ZNF286A: variants seen among roughly 807,000 people sequenced by gnomAD.
ZNF286A encodes the protein zinc finger protein 286A, also known as zinc finger protein ZNF286.
Under a neutral mutation model 49.3 loss-of-function variants are expected in ZNF286A, and 34 were observed. The observed-to-expected ratio is 0.69, with a 90% CI of 0.52 to 0.92. ZNF286A has a LOEUF of 0.92. Among genes scored for constraint, ZNF286A ranks in the 40% least tolerant of loss-of-function variants. The probability of loss-of-function intolerance (pLI) is 0.00; values close to 1 mark genes in which losing one functional copy is unlikely to be tolerated. For missense variants in ZNF286A, 462 were observed against 600.2 expected (o/e 0.77, Z 2.41); for synonymous variants, 155 against 200.4 (o/e 0.77, Z 1.91).
chr17:15,709,071 C>T (rs574675398), intron 5 of ZNF286A, among the ~76,000 whole-genome samples: 7 of 152,096 alleles, frequency 4.6e-5, no homozygotes, highest in South Asian at 4.2e-4. Flanking sequence ...AGAGTATGTG[C>T]GTTCTAGTTG....
intron 3 of ZNF286A, among the ~76,000 whole-genome samples, chr17:15,702,047 A>G (rs1334083719): frequency 6.6e-6 from 1 of 151,844 alleles, no homozygotes; most frequent in Admixed American, 6.6e-5. Context: ...ACTTGAACCT[A>G]GGAGGTGGAG....
At chr17:15,704,541 C>G (rs1597709409) in intron 3 of ZNF286A, 1 of 1,613,998 alleles carries the variant, frequency 6.2e-7, no homozygotes, top group Non-Finnish European at 8.5e-7. Context: ...TAGGGTGGAT[C>G]AGCAGGCACC....
intron 3 of ZNF286A, 101 bp from the exon 4 acceptor site, chr17:15,706,286 T>G: frequency 1.2e-6 from 1 of 845,396 alleles, no homozygotes; most frequent in Non-Finnish European, 2.0e-6. Flanking sequence ...AGTTCCCCTC[T>G]TAAGTGCATC....
At chr17:15,706,168 C>T (rs1168368691) in intron 3 of ZNF286A, among the ~76,000 whole-genome samples, 2 of 152,124 alleles carry the variant, frequency 1.3e-5, no homozygotes, top group Non-Finnish European at 2.9e-5. Context: ...TCTTTTGGTT[C>T]TCATATTGAA....
At chr17:15,704,316 C>T (rs907235651) in intron 3 of ZNF286A, 3 of 1,610,584 alleles carry the variant, frequency 1.9e-6, no homozygotes, top group East Asian at 4.5e-5. Flanking sequence ...GCTTCTTGGC[C>T]ATGGGACCCT....
chr17:15,708,068 A>T (rs967711945), intron 4 of ZNF286A, 87 bp from the exon 5 acceptor site: 14 of 843,880 alleles, frequency 1.7e-5, no homozygotes, highest in Non-Finnish European at 2.3e-5. Context: ...AATATGTAAC[A>T]ATTCAACTGG....
chr17:15,713,170 T>C (rs9910002), intron 5 of ZNF286A, among the ~76,000 whole-genome samples: 69,519 of 151,862 alleles, frequency 0.46, 16,680 homozygotes, highest in African/African-American at 0.59. Flanking sequence ...GTGGGTGGGT[T>C]GATTGAGCCC....
chr17:15,713,087 G>T (rs1966870520), intron 5 of ZNF286A, among the ~76,000 whole-genome samples: 1 of 152,172 alleles, frequency 6.6e-6, no homozygotes, highest in Non-Finnish European at 1.5e-5. Context: ...TAAGCTATTA[G>T]CTAATTCATT....
At chr17:15,705,227 ATATTT>A (rs1234806760) in intron 3 of ZNF286A, among the ~76,000 whole-genome samples, 1 of 152,204 alleles carries the variant, frequency 6.6e-6, no homozygotes, top group Non-Finnish European at 1.5e-5. Context: ...GCAAAAATTT[ATATTT>A]TACTTTGCTT....
At chr17:15,704,652 G>C (rs1990066717) in intron 3 of ZNF286A, 2 of 1,614,028 alleles carry the variant, frequency 1.2e-6, no homozygotes, top group Admixed American at 3.3e-5. Flanking sequence ...TCGGGTGGAA[G>C]ATCTTGGTCA....
At chr17:15,702,464 C>T (rs1427672934) in intron 3 of ZNF286A, among the ~76,000 whole-genome samples, 1 of 147,594 alleles carries the variant, frequency 6.8e-6, no homozygotes, top group Non-Finnish European at 1.5e-5. Context: ...GCAGTGAGCC[C>T]AGATAGGGCT....
chr17:15,712,540 C>G lies in ZNF286A; in HGVS notation c.335-3519C>G, dbSNP rs550434114. On this transcript the variant is annotated intron_variant, in intron 5 of 5. Transcript: ENST00000583566. ...CCAGTAATTGTTTTAATGGTACTTACTGTCATCAAATTGTACGTGGTGGAA... is the reference window on the plus strand; with the variant it reads ...CCAGTAATTGTTTTAATGGTACTTAGTGTCATCAAATTGTACGTGGTGGAA... Among the ~76,000 whole-genome samples the G allele has an allele frequency of 2.7e-5, 4 of 150,274 alleles. No homozygotes were observed. The East Asian group carries it at 7.7e-4, about 29-fold the overall frequency.
intron 3 of ZNF286A, among the ~76,000 whole-genome samples, chr17:15,702,799 GAAGT>G (rs1260490184): frequency 6.6e-6 from 1 of 152,190 alleles, no homozygotes; most frequent in Admixed American, 6.5e-5. Flanking sequence ...TAAGTGAAAA[GAAGT>G]AACTATTGAC....
chr17:15,702,575 C>G (rs145521105), intron 3 of ZNF286A, among the ~76,000 whole-genome samples: 6,256 of 125,182 alleles, frequency 0.05, no homozygotes, highest in African/African-American at 0.11. Context: ...TGTGGCATAC[C>G]ACAACCCAGA....
rs1967240918 is a variant in ZNF286A at position 15,719,128 on chromosome 17, T to C, written c.*1838T>C. On this transcript the variant is annotated 3_prime_UTR_variant, in exon 6 of 6. Transcript: ENST00000583566. ...TGGGTGGGGATACAGATCTAAACTG[T>C]ATCATTACTCAAAAAAAAAAAAAAA... The C allele has an allele frequency of 1.4e-5, 1 of 71,856 alleles. No individual in the cohort carries two copies. The highest frequency in any genetic ancestry group is 1.4e-4 in the Admixed American group (1 of 7,076). 4.5% of individuals were successfully genotyped at this position (71,856 alleles called of 1,614,324 possible). A position where few individuals can be genotyped will look rare whatever the true frequency, so the allele number is the denominator to read the frequency against.
In ZNF286A at chr17:15,719,871, G is replaced by A. The variant is rs1460747020; in HGVS notation, c.*2581G>A. 1 of 152,162 alleles carries A rather than the reference G, an allele frequency of 6.6e-6. No individual in the cohort carries two copies. Among genetic ancestry groups the A allele is most frequent in the African/African-American group, 2.4e-5 (1 of 41,438 alleles). 9.4% of individuals were successfully genotyped at this position (152,162 alleles called of 1,614,324 possible). A position where few individuals can be genotyped will look rare whatever the true frequency, so the allele number is the denominator to read the frequency against. On this transcript the variant is annotated 3_prime_UTR_variant, in exon 6 of 6. Coordinates refer to ENST00000583566, the MANE Select transcript of ZNF286A (RefSeq NM_001130842.2). ...TAGGTGGAATGGAAAAGTACTGAGA[G>A]ATAATTGGGGACAGAAAAATAAAAG...
intron 3 of ZNF286A, chr17:15,704,926 C>A: frequency 6.4e-7 from 1 of 1,566,890 alleles, no homozygotes; most frequent in Non-Finnish European, 8.7e-7. Flanking sequence ...GGGGCGGGTC[C>A]CCCCGGCCCC....
At chr17:15,708,436 C>T (rs1990404730) in intron 5 of ZNF286A, 189 bp downstream of exon 5, 1 of 415,978 alleles carries the variant, frequency 2.4e-6, no homozygotes, top group Non-Finnish European at 4.2e-6. Flanking sequence ...TGAGATTAGA[C>T]ACGTACTAAT....
intron 3 of ZNF286A, 109 bp downstream of exon 3, chr17:15,701,349 T>C (rs1417405936): frequency 1.1e-6 from 1 of 937,136 alleles, no homozygotes; most frequent in Non-Finnish European, 1.6e-6. Context: ...TCTGCAGAGC[T>C]GAGTTCTAAA....
Sources: allele counts gnomAD v4.1 joint callset (sites outside exome capture counted in the v4.1 genomes callset), GRCh38; gene constraint gnomAD v4.1.1; transcripts MANE v1.5; gene names NCBI Gene and HGNC (gene_info 2026-07-23, HGNC 2026-07-21).